The following PICALM variants were observed in gnomAD, a reference collection of about 807,000 sequenced individuals.
PICALM encodes phosphatidylinositol binding clathrin assembly protein, also known as phosphatidylinositol-binding clathrin assembly protein.
Under a neutral mutation model 80.5 loss-of-function variants are expected in PICALM, and 40 were observed. The observed-to-expected ratio is 0.50, with a 90% confidence interval of 0.39 to 0.65. The LOEUF is 0.65. Ranked by LOEUF, PICALM falls within the 30% of genes least tolerant of loss-of-function variation. The pLI, the probability that PICALM is intolerant of heterozygous loss-of-function variation, is 0.00. For missense variants in PICALM, 676 were observed against 778.9 expected (o/e 0.87, Z 1.57); for synonymous variants, 288 against 260.3 (o/e 1.11, Z -1.02).
chr11:85,994,837 G>A (rs1428888371), intron 12 of PICALM, among the ~76,000 whole-genome samples: 1 of 152,176 alleles, frequency 6.6e-6, no homozygotes, highest in Non-Finnish European at 1.5e-5. Flanking sequence ...CCAAGAAGCT[G>A]AGATGACAGA....
In PICALM at chr11:85,974,744, T is replaced by C; in HGVS notation, c.1908A>G (p.Arg636=). ...ATACAGGGCCAAAGGGGTTTGGAGG[T>C]CTCATGACAGGCTGGCTGTATATTA... The part of the protein sequence containing the change: ...PTLIYSQPVM[R]PPNPFGPVSG... Residue 636 remains arginine, a synonymous_variant, in exon 19 of 20, where the codon AGA becomes AGG. Coordinates refer to ENST00000393346, the MANE Select transcript of PICALM (RefSeq NM_007166.4). The C allele has an allele frequency of 6.2e-7, 1 of 1,613,572 alleles. No homozygotes were observed. The highest frequency in any genetic ancestry group is 8.5e-7 in the Non-Finnish European group (1 of 1,179,580).
Position 85,990,344 on chromosome 11 carries a change from A to G in PICALM, c.1314T>C (p.Pro438=), listed in dbSNP as rs755775770. Residue 438 remains proline (P), a synonymous_variant, in exon 13 of 20, where the codon CCT becomes CCC. Coordinates refer to ENST00000393346, the MANE Select transcript of PICALM (RefSeq NM_007166.4). ...AVDDAIPSLN[P]FLTKSSGDVH... ...CATCACCACTACTTTTTGTGAGGAA[A>G]GGATTTAAGCTTGGAATGGCATCAT... 6.2e-7 allele frequency: 1 copy of G among 1,608,652 alleles called. No homozygotes were observed. The highest frequency in any genetic ancestry group is 8.5e-7 in the Non-Finnish European group (1 of 1,175,454).
At chr11:86,032,170 T>C (rs1360218341) in intron 1 of PICALM, among the ~76,000 whole-genome samples, 3 of 152,224 alleles carry the variant, frequency 2.0e-5, no homozygotes, top group Non-Finnish European at 4.4e-5. Context: ...ACAAAAGATT[T>C]ATACTCCTTC....
In PICALM at chr11:85,957,383, T is replaced by C. The variant is rs1022857853; in HGVS notation, c.*1663A>G. ...GGTTTCTTTGGCAGACATAATTATA[T>C]GTACCAAAACATTAAACTGCGTATT... is the stretch of plus-strand genomic sequence containing the variant. On this transcript the variant is annotated 3_prime_UTR_variant, in exon 20 of 20. Transcript: ENST00000393346. Among the ~76,000 whole-genome samples the C allele has an allele frequency of 4.6e-5, 7 of 152,206 alleles. 1 individual carries two copies. Among genetic ancestry groups the C allele is most frequent in the Non-Finnish European group, 8.8e-5 (6 of 68,034 alleles).
intron 1 of PICALM, among the ~76,000 whole-genome samples, chr11:86,039,982 C>A (rs1405950852): frequency 7.8e-6 from 1 of 128,746 alleles, no homozygotes; most frequent in Non-Finnish European, 1.6e-5. Context: ...CCAGCCTGGG[C>A]GACAGAGCAT....
Position 86,011,040 on chromosome 11 carries a change from T to C in PICALM, c.755A>G (p.Lys252Arg), listed in dbSNP as rs1295541165. The stretch of plus-strand genomic sequence containing the variant: ...TTAAAGACAGTTTACCTCTGCAACT[T>C]TGAGGAACTCTGAGATTCTTGTCAT... ...TRMTRISEFL[K>R]VAEQVGIDRG... Residue 252 changes from lysine (K) to arginine (R), a missense_variant, in exon 7 of 20, where the codon AAA (lysine) becomes AGA (arginine). By Grantham distance (26) the Lys-to-Arg change is conservative (BLOSUM62 2). Transcript: ENST00000393346. The C allele has an allele frequency of 1.3e-5, 20 of 1,499,502 alleles. No homozygotes were observed. The highest frequency in any genetic ancestry group is 1.8e-5 in the Admixed American group (1 of 55,624). The allele number at this position is 1,499,502 out of a possible 1,614,324, so 92.9% of individuals were successfully genotyped here.
intron 12 of PICALM, among the ~76,000 whole-genome samples, chr11:85,995,734 G>C (rs1344299445): frequency 1.3e-5 from 2 of 151,964 alleles, no homozygotes; most frequent in East Asian, 3.9e-4. Flanking sequence ...TTCACAATAA[G>C]GCAGAAAATA....
intron 17 of PICALM, among the ~76,000 whole-genome samples, chr11:85,979,655 TAACA>T (rs1243403013): frequency 1.3e-5 from 2 of 152,200 alleles, no homozygotes; most frequent in Admixed American, 1.3e-4. Context: ...GCACAAATTT[TAACA>T]AACATACTAT....
intron 8 of PICALM, among the ~76,000 whole-genome samples, chr11:86,006,386 G>A (rs1790288451): frequency 6.6e-6 from 1 of 152,140 alleles, no homozygotes; most frequent in African/African-American, 2.4e-5. Context: ...GGTGGTTCAC[G>A]CCTGTAATCC....
At chr11:86,057,641 T>C (rs982358010) in intron 1 of PICALM, among the ~76,000 whole-genome samples, 1 of 152,184 alleles carries the variant, frequency 6.6e-6, no homozygotes, top group African/African-American at 2.4e-5. Flanking sequence ...ATGGGTTCCA[T>C]TATCATGGAT....
At chr11:86,044,045 T>C (rs1341943657) in intron 1 of PICALM, among the ~76,000 whole-genome samples, 1 of 152,218 alleles carries the variant, frequency 6.6e-6, no homozygotes, top group African/African-American at 2.4e-5. Context: ...ATTAACTGCA[T>C]ACTATAATAC....
intron 12 of PICALM, among the ~76,000 whole-genome samples, chr11:85,993,920 A>G (rs2094877798): frequency 6.6e-6 from 1 of 152,034 alleles, no homozygotes. Context: ...AGGTATTGCT[A>G]TATTGCCCAG....
chr11:85,992,696 G>A (rs1410493983), intron 12 of PICALM, among the ~76,000 whole-genome samples: 3 of 152,190 alleles, frequency 2.0e-5, no homozygotes, highest in Non-Finnish European at 4.4e-5. Flanking sequence ...AAAAAGCCAT[G>A]AAATACGTAA....
intron 1 of PICALM, among the ~76,000 whole-genome samples, chr11:86,064,267 T>G (rs2096411396): frequency 6.6e-6 from 1 of 152,184 alleles, no homozygotes; most frequent in African/African-American, 2.4e-5. Context: ...TGATAATGGA[T>G]GCTTAGTAAG....
intron 12 of PICALM, among the ~76,000 whole-genome samples, chr11:85,995,518 A>C (rs533659278): frequency 6.6e-6 from 1 of 152,322 alleles, no homozygotes; most frequent in African/African-American, 2.4e-5. Flanking sequence ...TTAGTTGTAC[A>C]TGGTGTCCAG....
At chr11:85,990,984 C>T (rs1194428276) in intron 12 of PICALM, among the ~76,000 whole-genome samples, 3 of 152,066 alleles carry the variant, frequency 2.0e-5, no homozygotes, top group African/African-American at 7.2e-5. Flanking sequence ...TAATAGACTG[C>T]GAACACCTTT....
chr11:85,981,287 A>C lies in PICALM; in HGVS notation c.1680-59T>G, dbSNP rs886209708. ...CTCTAATTATAAAGTTTCCTTAGCT[A>C]TATACTTATATAGAACAGAGTAAGA... On this transcript the variant is annotated intron_variant, in intron 16 of 19. Transcript: ENST00000393346. 9 of 990,590 alleles carry C rather than the reference A, an allele frequency of 9.1e-6. No homozygotes were observed. In the African/African-American group the frequency reaches 1.3e-4, roughly 14 times the overall value. The allele number at this position is 990,590 out of a possible 1,614,324, so 61.4% of individuals were successfully genotyped here.
intron 14 of PICALM, chr11:85,982,308 A>G (rs528941420): frequency 4.2e-6 from 1 of 236,358 alleles, no homozygotes; most frequent in Non-Finnish European, 8.4e-6. Flanking sequence ...TTCTCCTGCT[A>G]GCCCAGCAAA....
chr11:85,959,640 A>AAAAG (rs1410981956), intron 19 of PICALM, among the ~76,000 whole-genome samples: 2 of 149,742 alleles, frequency 1.3e-5, no homozygotes, highest in Non-Finnish European at 3.0e-5. Flanking sequence ...TCTCAAAAAA[A>AAAAG]AAAAAAAAAA....
Sources: allele counts gnomAD v4.1 joint callset (sites outside exome capture counted in the v4.1 genomes callset), GRCh38; gene constraint gnomAD v4.1.1; transcripts MANE v1.5; gene names NCBI Gene and HGNC (gene_info 2026-07-23, HGNC 2026-07-21).